SORCS3: variants seen among roughly 807,000 people sequenced by gnomAD.
The protein encoded by SORCS3 is sortilin related VPS10 domain containing receptor 3.
Under a neutral mutation model 146.3 loss-of-function variants are expected in SORCS3, and 57 were observed. The observed-to-expected ratio is 0.39, with a 90% CI of 0.31 to 0.49. The LOEUF is 0.49. Among genes scored for constraint, SORCS3 ranks in the 20% least tolerant of loss-of-function variants. The probability of loss-of-function intolerance (pLI) is 0.92; values close to 1 mark genes in which losing one functional copy is unlikely to be tolerated. For missense variants in SORCS3, 1,341 were observed against 1,575.5 expected (o/e 0.85, Z 2.52); for synonymous variants, 653 against 618.5 (o/e 1.06, Z -0.83).
chr10:105,029,535 C>A (rs1262793282), intron 4 of SORCS3, among the ~76,000 whole-genome samples: 2 of 152,184 alleles, frequency 1.3e-5, no homozygotes, highest in African/African-American at 2.4e-5. Context: ...GTGCTTTTTG[C>A]TGTCTAATTG....
At chr10:104,705,571 A>G (rs2016327896) in intron 1 of SORCS3, among the ~76,000 whole-genome samples, 1 of 152,216 alleles carries the variant, frequency 6.6e-6, no homozygotes, top group Admixed American at 6.5e-5. Flanking sequence ...TTATAATGAC[A>G]TGTAATGACA....
chr10:104,755,378 A>G (rs751989337), intron 1 of SORCS3, among the ~76,000 whole-genome samples: 2 of 152,226 alleles, frequency 1.3e-5, no homozygotes, highest in Non-Finnish European at 2.9e-5. Context: ...GGACTTATCC[A>G]TATGTGAATT....
At chr10:105,212,972 A>T (rs573340614) in intron 17 of SORCS3, among the ~76,000 whole-genome samples, 60 of 152,302 alleles carry the variant, frequency 3.9e-4, no homozygotes, top group African/African-American at 1.4e-3. Context: ...AAATGTAAAA[A>T]ATAAGGTGAT....
chr10:105,005,006 T>C (rs1230041188), intron 4 of SORCS3, among the ~76,000 whole-genome samples: 2 of 152,206 alleles, frequency 1.3e-5, no homozygotes, highest in Non-Finnish European at 2.9e-5. Context: ...CTGAGTTTTC[T>C]TTGTAATCGT....
chr10:105,011,921 CA>C (rs1434968627), intron 4 of SORCS3, among the ~76,000 whole-genome samples: 1 of 152,056 alleles, frequency 6.6e-6, no homozygotes, highest in East Asian at 1.9e-4. Flanking sequence ...GTTGGCCTAA[CA>C]ACATATATTG....
rs546226831 is a variant in SORCS3, at chr10:104,884,047, AC to A, written c.696-31784del. Among the ~76,000 whole-genome samples, 507 of 152,192 alleles carry A rather than the reference AC, an allele frequency of 3.3e-3. 2 individuals are homozygous for A. The highest frequency in any genetic ancestry group is 0.018 in the South Asian group (88 of 4,822). On this transcript the variant is annotated intron_variant, in intron 2 of 26. Coordinates refer to ENST00000369701, the MANE Select transcript of SORCS3 (RefSeq NM_014978.3). ...CAGATGGTACAGCCACCTGTAGCAA[AC>A]CAGGGCAGGCAATAGAGAAGGGTTA...
chr10:104,824,934 A>G (rs1055534842), intron 1 of SORCS3, among the ~76,000 whole-genome samples: 1 of 152,180 alleles, frequency 6.6e-6, no homozygotes, highest in East Asian at 1.9e-4. Context: ...GAAAAGAGAC[A>G]AGAGGGTTGG....
chr10:104,754,883 C>T (rs2017030265), intron 1 of SORCS3, among the ~76,000 whole-genome samples: 1 of 152,222 alleles, frequency 6.6e-6, no homozygotes, highest in Admixed American at 6.5e-5. Context: ...CCTAGAATTA[C>T]ACCCTATTCC....
At chr10:104,986,534 A>T (rs2133658907) in intron 4 of SORCS3, among the ~76,000 whole-genome samples, 1 of 152,308 alleles carries the variant, frequency 6.6e-6, no homozygotes, top group East Asian at 1.9e-4. Context: ...GTTTGGCGCA[A>T]GAGACTTCAC....
chr10:104,688,817 G>A (rs1320249738), intron 1 of SORCS3, among the ~76,000 whole-genome samples: 1 of 152,162 alleles, frequency 6.6e-6, no homozygotes, highest in Non-Finnish European at 1.5e-5. Context: ...CCAACTCCCA[G>A]GAACCTGCCC....
intron 25 of SORCS3, among the ~76,000 whole-genome samples, chr10:105,261,424 G>T (rs1408723458): frequency 1.3e-5 from 2 of 152,168 alleles, no homozygotes; most frequent in Non-Finnish European, 2.9e-5. Context: ...AACAGCATCA[G>T]CATCACCTGG....
intron 4 of SORCS3, among the ~76,000 whole-genome samples, chr10:104,998,752 C>T (rs947070911): frequency 3.3e-5 from 5 of 152,080 alleles, no homozygotes; most frequent in East Asian, 1.9e-4. Flanking sequence ...CTAATGGGAC[C>T]GTACATCACT....
intron 5 of SORCS3, among the ~76,000 whole-genome samples, chr10:105,055,896 G>A (rs977866618): frequency 1.3e-5 from 2 of 152,174 alleles, no homozygotes; most frequent in African/African-American, 2.4e-5. Flanking sequence ...ACTAAAGATT[G>A]TGTTGTATCA....
intron 1 of SORCS3, among the ~76,000 whole-genome samples, chr10:104,656,556 G>A (rs539782497): frequency 6.6e-6 from 1 of 152,090 alleles, no homozygotes; most frequent in South Asian, 2.1e-4. Flanking sequence ...TACTCAGGTG[G>A]CTGAGGCTGA....
chr10:105,156,819 C>G (rs1253317697), intron 9 of SORCS3, among the ~76,000 whole-genome samples: 2 of 152,144 alleles, frequency 1.3e-5, no homozygotes. Context: ...TTGTCAGCCA[C>G]TCCCATCTCA....
chr10:104,707,655 A>T (rs77534061), intron 1 of SORCS3, among the ~76,000 whole-genome samples: 3,215 of 152,282 alleles, frequency 0.021, 48 homozygotes, highest in Non-Finnish European at 0.031. Context: ...CAACGATGAG[A>T]TCCTATCCCA....
At chr10:105,217,844 G>A (rs2056674623) in intron 19 of SORCS3, 1 of 454,030 alleles carries the variant, frequency 2.2e-6, no homozygotes, top group South Asian at 1.6e-5. Context: ...GTGATTTTAG[G>A]ATGTCGGGTC....
intron 2 of SORCS3, among the ~76,000 whole-genome samples, chr10:104,894,523 G>A (rs768367460): frequency 1.1e-4 from 17 of 152,180 alleles, no homozygotes; most frequent in Non-Finnish European, 2.2e-4. Flanking sequence ...AGGAGGAGGA[G>A]GTTCAGAAGT....
At chr10:105,077,464 A>G (rs1190234407) in intron 5 of SORCS3, among the ~76,000 whole-genome samples, 1 of 151,504 alleles carries the variant, frequency 6.6e-6, no homozygotes, top group Non-Finnish European at 1.5e-5. Context: ...ATTCTGAGCA[A>G]CTTCCTAGGG....
Sources: gnomAD v4.1 joint callset for allele counts (sites outside exome capture counted in the v4.1 genomes callset) on GRCh38, gnomAD v4.1.1 for gene constraint, MANE v1.5 for transcripts, NCBI Gene and HGNC (gene_info 2026-07-23, HGNC 2026-07-21) for gene names.